PMS2: variants seen among roughly 807,000 people sequenced by gnomAD.
The protein encoded by PMS2 is mismatch repair endonuclease PMS2.
PMS2 carries 69 observed loss-of-function variants against 90.0 expected under a neutral mutation model. The observed-to-expected ratio is 0.77, with a 90% confidence interval of 0.63 to 0.94. The LOEUF (loss-of-function observed/expected upper bound fraction) is 0.94, where lower values mean the gene tolerates loss of function less well. Ranked by LOEUF, PMS2 falls within the 40% of genes least tolerant of loss-of-function variation. The probability of loss-of-function intolerance (pLI) is 0.00; values close to 1 mark genes in which losing one functional copy is unlikely to be tolerated. For synonymous variants in PMS2, 332 were observed against 375.1 expected, an observed-to-expected ratio of 0.89 and a Z score of 1.33; for missense variants, 966 against 1,040.2, an observed-to-expected ratio of 0.93 and a Z score of 0.98.
chr7:5,988,996 C>T (rs1212281454), intron 10 of PMS2, among the ~76,000 whole-genome samples: 1 of 152,038 alleles, frequency 6.6e-6, no homozygotes, highest in South Asian at 2.1e-4. Context: ...GCTGGGACTA[C>T]AGGCGCCCGC....
At chr7:5,994,062 AAC>A (rs1784083913) in intron 8 of PMS2, among the ~76,000 whole-genome samples, 1 of 151,894 alleles carries the variant, frequency 6.6e-6, no homozygotes, top group South Asian at 2.1e-4. Flanking sequence ...TGCAGATACA[AAC>A]ACACTCACGT....
chr7:5,978,461 G>C, intron 13 of PMS2, 135 bp downstream of exon 13: 1 of 1,001,078 alleles, frequency 1.0e-6, no homozygotes, highest in Non-Finnish European at 1.5e-6. Context: ...AGTAGAGATG[G>C]GGTTTCACCA....
At chr7:5,988,540 G>C (rs1783340996) in intron 10 of PMS2, among the ~76,000 whole-genome samples, 1 of 152,116 alleles carries the variant, frequency 6.6e-6, no homozygotes, top group Non-Finnish European at 1.5e-5. Flanking sequence ...TCCAGCCTGG[G>C]CGACAGAGTG....
chr7:6,006,101 G>T, intron 1 of PMS2, 70 bp from the exon 2 acceptor site: 1 of 1,533,622 alleles, frequency 6.5e-7, no homozygotes, highest in Non-Finnish European at 9.0e-7. Flanking sequence ...TTTAACTGTG[G>T]GAAATGACTC....
intron 4 of PMS2, 43 bp from the exon 5 acceptor site, chr7:6,002,679 A>G (rs746372497): frequency 2.7e-6 from 4 of 1,480,520 alleles, no homozygotes; most frequent in African/African-American, 2.8e-5. Flanking sequence ...TGAGAGACCC[A>G]TGATGTTGGG....
intron 5 of PMS2, among the ~76,000 whole-genome samples, chr7:6,000,377 T>TAAAAAAA (rs67186373): frequency 1.6e-5 from 2 of 122,814 alleles, no homozygotes. Context: ...CTGTCTCAAT[T>TAAAAAAA]AAAAAAAAAA....
At chr7:6,004,160 C>T in intron 2 of PMS2, 102 bp from the exon 3 acceptor site, 2 of 720,502 alleles carry the variant, frequency 2.8e-6, no homozygotes, top group Non-Finnish European at 4.9e-6. Flanking sequence ...AGAGTCATAA[C>T]TATACCTTTA....
intron 11 of PMS2, among the ~76,000 whole-genome samples, chr7:5,984,876 C>A (rs1332391558): frequency 6.6e-6 from 1 of 151,812 alleles, no homozygotes; most frequent in Non-Finnish European, 1.5e-5. Flanking sequence ...GTCACCATCA[C>A]AATCAACCAC....
rs752122569 is a variant in PMS2 at position 5,987,315 on chromosome 7, G to T, written c.1450C>A (p.Pro484Thr). Residue 484 changes from proline to threonine, a missense_variant, in exon 11 of 15, where the codon CCT becomes ACT. This residue lies in a region of PMS2 where 871 missense variants were observed against 802.4 expected (regional missense o/e 1.09). Coordinates refer to ENST00000265849, the MANE Select transcript of PMS2 (RefSeq NM_000535.7). ...TTCTCCACCTCCGCTCTGTCCGTAGGGTCACTGGGTCCGTGACTGGAACTC... is the reference window on the plus strand; with the variant it reads ...TTCTCCACCTCCGCTCTGTCCGTAGTGTCACTGGGTCCGTGACTGGAACTC... ...AVSSSHGPSD[P>T]TDRAEVEKDS... The T allele has an allele frequency of 1.9e-6, 3 of 1,613,972 alleles. No individual in the cohort carries two copies. In the East Asian group the frequency reaches 6.7e-5, roughly 36 times the overall value.
chr7:5,988,572 AAAG>A (rs1783348181), intron 10 of PMS2, among the ~76,000 whole-genome samples: 1 of 152,138 alleles, frequency 6.6e-6, no homozygotes, highest in Admixed American at 6.6e-5. Flanking sequence ...CAAAAAAAAG[AAAG>A]AAGTGCCTAT....
chr7:5,990,850 C>T (rs1043147193), intron 9 of PMS2, among the ~76,000 whole-genome samples: 6 of 152,086 alleles, frequency 3.9e-5, no homozygotes, highest in Non-Finnish European at 2.9e-5. Context: ...CCCGTCTCTA[C>T]TAAAAACACA....
chr7:5,981,446 A>G (rs1360001858), intron 12 of PMS2, among the ~76,000 whole-genome samples: 1 of 149,812 alleles, frequency 6.7e-6, no homozygotes, highest in Non-Finnish European at 1.5e-5. Flanking sequence ...AGGTTTCACC[A>G]TGATGCCCAG....
rs546966892 is a variant in PMS2 at position 5,995,613 on chromosome 7, T to C, written c.824A>G (p.Gln275Arg). 6 of 1,613,088 alleles carry C rather than the reference T, an allele frequency of 3.7e-6. No individual in the cohort carries two copies. The East Asian group carries it at 6.7e-5, about 18-fold the overall frequency. The change falls in exon 8 of 15, where the codon CAA (glutamine) becomes CGA (arginine). Residue 275 changes from glutamine to arginine, a missense_variant. Transcript: ENST00000265849. ...NLFYISGFIS[Q>R]CTHGVGRSST... ...ACTCCTTCCAACTCCATGCGTGCAT[T>C]GTGAAATGAAACCTGAGATGCTATT...
chr7:5,997,485 G>C (rs1318151197), intron 6 of PMS2, 62 bp from the exon 7 acceptor site: 1 of 927,302 alleles, frequency 1.1e-6, no homozygotes, highest in Admixed American at 2.2e-5. Flanking sequence ...GACTTAATCT[G>C]TTTTCTTTCT....
intron 1 of PMS2, among the ~76,000 whole-genome samples, chr7:6,007,326 G>T (rs562688108): frequency 6.6e-6 from 1 of 152,078 alleles, no homozygotes; most frequent in South Asian, 2.1e-4. Context: ...ATGTTGGCCA[G>T]GCTGGTCTCG....
intron 5 of PMS2, among the ~76,000 whole-genome samples, chr7:5,999,502 T>C (rs1332648954): frequency 6.6e-6 from 1 of 151,988 alleles, no homozygotes; most frequent in Non-Finnish European, 1.5e-5. Flanking sequence ...GTGCCATGCA[T>C]CCTGGTAAAA....
chr7:5,996,583 A>AAC (rs1256890041), intron 7 of PMS2, among the ~76,000 whole-genome samples: 263 of 93,386 alleles, frequency 2.8e-3, no homozygotes, highest in African/African-American at 0.016. Flanking sequence ...AAGCTAAAAA[A>AAC]AAAAAAAATA....
chr7:5,995,090 T>C (rs921105152), intron 8 of PMS2, among the ~76,000 whole-genome samples: 2 of 152,016 alleles, frequency 1.3e-5, no homozygotes, highest in Admixed American at 6.6e-5. Flanking sequence ...CAGGCTGGAG[T>C]GCAGTGGCAT....
chr7:6,002,300 T>C (rs1307552496), intron 5 of PMS2, 153 bp downstream of exon 5: 1 of 649,176 alleles, frequency 1.5e-6, no homozygotes, highest in African/African-American at 1.8e-5. Context: ...TAAAGTTAAG[T>C]CTTTAATGTT....
Sources: gnomAD v4.1 joint callset for allele counts (sites outside exome capture counted in the v4.1 genomes callset) on GRCh38, gnomAD v4.1.1 for gene constraint, gnomAD v4.1.1 regional missense constraint, MANE v1.5 for transcripts, NCBI Gene and HGNC (gene_info 2026-07-23, HGNC 2026-07-21) for gene names.